IGF1: variants seen among roughly 807,000 people sequenced by gnomAD.
IGF1 encodes insulin like growth factor 1.
In IGF1, 4 loss-of-function variants were observed where a neutral mutation model predicts 13.8. The ratio of observed to expected loss-of-function variants is 0.29; its 90% CI spans 0.14 to 0.66. The LOEUF is 0.66. Among genes scored for constraint, IGF1 ranks in the 30% least tolerant of loss-of-function variants. The pLI is 0.78. For synonymous variants in IGF1, 76 were observed against 72.6 expected, an observed-to-expected ratio of 1.05 and a Z score of -0.23; for missense variants, 124 against 188.5, an observed-to-expected ratio of 0.66 and a Z score of 2.00.
intron 2 of IGF1, among the ~76,000 whole-genome samples, chr12:102,471,180 A>T (rs145085273): frequency 3.9e-5 from 6 of 152,340 alleles, no homozygotes; most frequent in Non-Finnish European, 8.8e-5. Context: ...GACCAACAGA[A>T]ACTATGTAAA....
At chr12:102,419,960 G>GGATCTT (rs1365491074) in intron 2 of IGF1, among the ~76,000 whole-genome samples, 3 of 152,156 alleles carry the variant, frequency 2.0e-5, no homozygotes, top group African/African-American at 7.2e-5. Context: ...CTGTAGGCAA[G>GGATCTT]GATCTTGTCT....
intron 2 of IGF1, among the ~76,000 whole-genome samples, chr12:102,459,758 C>T (rs1019089463): frequency 7.2e-5 from 11 of 152,106 alleles, no homozygotes; most frequent in Non-Finnish European, 1.5e-4. Context: ...ACCAGAATGA[C>T]TTGATTGTCT....
intron 1 of IGF1, among the ~76,000 whole-genome samples, chr12:102,477,536 T>TA (rs139339912): frequency 1.0e-3 from 1 of 966 alleles, no homozygotes; most frequent in Non-Finnish European, 2.5e-3. Flanking sequence ...CCAGTTCTCA[T>TA]TTTTTTTTTT....
chr12:102,463,667 C>A (rs2137210700), intron 2 of IGF1, among the ~76,000 whole-genome samples: 1 of 152,308 alleles, frequency 6.6e-6, no homozygotes, highest in East Asian at 1.9e-4. Flanking sequence ...TTTCTAGAAA[C>A]TATTCTGAGG....
At chr12:102,427,481 CT>C (rs1440153720) in intron 2 of IGF1, among the ~76,000 whole-genome samples, 1 of 152,164 alleles carries the variant, frequency 6.6e-6, no homozygotes, top group Non-Finnish European at 1.5e-5. Context: ...TCTTTCATTT[CT>C]TTTTTTCTTT....
chr12:102,454,307 G>A (rs919204302), intron 2 of IGF1, among the ~76,000 whole-genome samples: 5 of 152,182 alleles, frequency 3.3e-5, no homozygotes, highest in Non-Finnish European at 7.3e-5. Context: ...CCCTTCTGAA[G>A]CTTGCCATTA....
intron 2 of IGF1, among the ~76,000 whole-genome samples, chr12:102,429,546 TAC>T (rs1876552759): frequency 6.6e-6 from 1 of 152,196 alleles, no homozygotes; most frequent in Admixed American, 6.5e-5. Context: ...TGGTTTAAGT[TAC>T]AGTTTGTCTC....
Position 102,402,546 on chromosome 12 carries a change from T to TG in IGF1, c.422dup (p.Ser142LysfsTer2). On this transcript the variant is annotated frameshift_variant, in exon 4 of 4. Coordinates refer to ENST00000337514, the MANE Select transcript of IGF1 (RefSeq NM_000618.5). LOFTEE classifies it high-confidence loss of function. ...TCTTGTTTCCTGCACTCCCTCTACT[T>TG]GCGTTCTTCAAATGTACTTCCTATA... 3 of 780,874 alleles carry TG rather than the reference T, an allele frequency of 3.8e-6. No individual in the cohort carries two copies. Among genetic ancestry groups the TG allele is most frequent in the Non-Finnish European group, 7.2e-6 (3 of 417,974 alleles). The allele number at this position is 780,874 out of a possible 1,614,324, so 48.4% of individuals were successfully genotyped here.
intron 2 of IGF1, among the ~76,000 whole-genome samples, chr12:102,471,907 C>T (rs1326534882): frequency 6.6e-6 from 1 of 152,174 alleles, no homozygotes; most frequent in Non-Finnish European, 1.5e-5. Flanking sequence ...AATGGTTAAT[C>T]ACCATGGCTG....
At chr12:102,434,849 T>A (rs1214059884) in intron 2 of IGF1, among the ~76,000 whole-genome samples, 2 of 151,930 alleles carry the variant, frequency 1.3e-5, no homozygotes, top group Non-Finnish European at 2.9e-5. Context: ...CTAACTGGTG[T>A]GAGATGGTAT....
chr12:102,424,155 T>A (rs1383174949), intron 2 of IGF1, among the ~76,000 whole-genome samples: 1 of 151,726 alleles, frequency 6.6e-6, no homozygotes, highest in East Asian at 1.9e-4. Context: ...GTTCTTAAGA[T>A]ATACATTTGT....
intron 1 of IGF1, 134 bp from the exon 2 acceptor site, chr12:102,475,933 A>G: frequency 1.1e-6 from 1 of 897,252 alleles, no homozygotes; most frequent in Non-Finnish European, 1.8e-6. Context: ...AGAAGCCAAT[A>G]GAGTACATGA....
At chr12:102,471,742 G>A (rs1880700622) in intron 2 of IGF1, among the ~76,000 whole-genome samples, 1 of 151,990 alleles carries the variant, frequency 6.6e-6, no homozygotes, top group South Asian at 2.1e-4. Flanking sequence ...TTTATTTAAG[G>A]GACTGTTTAT....
chr12:102,452,261 CAAAAAAAAAAAA>C (rs538007224), intron 2 of IGF1, among the ~76,000 whole-genome samples: 6 of 42,158 alleles, frequency 1.4e-4, no homozygotes, highest in Admixed American at 8.3e-4. Context: ...GACTCCGTCT[CAAAAAAAAAAAA>C]AAAAAAAAAA....
intron 2 of IGF1, among the ~76,000 whole-genome samples, chr12:102,441,031 G>T (rs1877665775): frequency 6.6e-6 from 1 of 152,128 alleles, no homozygotes; most frequent in African/African-American, 2.4e-5. Context: ...TGGGGAATAT[G>T]CTTCAGCTAT....
intron 2 of IGF1, chr12:102,462,818 A>C (rs916374520): frequency 6.6e-6 from 1 of 152,224 alleles, no homozygotes; most frequent in Non-Finnish European, 1.5e-5. Context: ...AGGTGAATGC[A>C]ATTAACTGGC....
chr12:102,430,185 G>A (rs962814789), intron 2 of IGF1, among the ~76,000 whole-genome samples: 6 of 152,010 alleles, frequency 3.9e-5, no homozygotes, highest in Admixed American at 1.3e-4. Context: ...CAGAAGTGAG[G>A]GCCTAAGTTC....
chr12:102,404,860 T>A (rs765924204), intron 3 of IGF1, among the ~76,000 whole-genome samples: 33 of 148,464 alleles, frequency 2.2e-4, no homozygotes, highest in Non-Finnish European at 4.6e-4. Context: ...CGGGTTCAAG[T>A]GATTCTCCTG....
chr12:102,474,766 A>G (rs757063419), intron 2 of IGF1, among the ~76,000 whole-genome samples: 4 of 152,220 alleles, frequency 2.6e-5, no homozygotes, highest in Non-Finnish European at 5.9e-5. Flanking sequence ...TCTCTGTCCT[A>G]TAATATACAG....
Sources: gnomAD v4.1 joint callset for allele counts (sites outside exome capture counted in the v4.1 genomes callset) on GRCh38, gnomAD v4.1.1 for gene constraint, MANE v1.5 for transcripts, NCBI Gene and HGNC (gene_info 2026-07-23, HGNC 2026-07-21) for gene names.